POFUT3: variants seen among roughly 807,000 people sequenced by gnomAD.
The protein encoded by POFUT3 is protein O-fucosyltransferase 3.
chr8:33,449,999 G>A, the POFUT3 span, among the ~76,000 whole-genome samples: 5 of 143,444 alleles, frequency 3.5e-5, no homozygotes, highest in Non-Finnish European at 7.5e-5. Flanking sequence ...GTGCAGTGGT[G>A]CAATCTCGGC....
chr8:33,444,645 C>T, the POFUT3 span, among the ~76,000 whole-genome samples: 1 of 152,100 alleles, frequency 6.6e-6, no homozygotes, highest in East Asian at 1.9e-4. Flanking sequence ...TGGGGAAACA[C>T]CGTCTTTACT....
the POFUT3 span, among the ~76,000 whole-genome samples, chr8:33,350,383 AACAGAGGGTGGTGTCCTTG>A: frequency 6.6e-5 from 10 of 152,120 alleles, no homozygotes; most frequent in Non-Finnish European, 1.3e-4. Flanking sequence ...TTCTCCCTGA[AACAGAGGGTGGTGTCCTTG>A]ACACCCTAAG....
At chr8:33,363,845 G>A in the POFUT3 span, among the ~76,000 whole-genome samples, 1 of 152,122 alleles carries the variant, frequency 6.6e-6, no homozygotes, top group Non-Finnish European at 1.5e-5. Context: ...AGAGGTACAA[G>A]GAGGAGCTAG....
chr8:33,367,959 C>T, the POFUT3 span, among the ~76,000 whole-genome samples: 61 of 152,142 alleles, frequency 4.0e-4, 2 homozygotes, highest in African/African-American at 1.2e-3. Context: ...GTTGAATCAT[C>T]TTCTCTGGTA....
the POFUT3 span, among the ~76,000 whole-genome samples, chr8:33,439,632 C>T: frequency 1.3e-5 from 2 of 151,872 alleles, no homozygotes; most frequent in East Asian, 1.9e-4. Context: ...CTTTGGGAGG[C>T]GGAGGTGGGT....
the POFUT3 span, among the ~76,000 whole-genome samples, chr8:33,464,179 ATAT>A: frequency 2.0e-5 from 3 of 152,220 alleles, no homozygotes; most frequent in Admixed American, 1.3e-4. Flanking sequence ...TTATATTTAA[ATAT>A]TATTGTAATT....
chr8:33,353,450 G>C, the POFUT3 span, among the ~76,000 whole-genome samples: 1 of 152,216 alleles, frequency 6.6e-6, no homozygotes, highest in Admixed American at 6.5e-5. Context: ...CCAGCACTGA[G>C]ATCACTGCAG....
At chr8:33,459,532 C>T in the POFUT3 span, among the ~76,000 whole-genome samples, 1 of 151,488 alleles carries the variant, frequency 6.6e-6, no homozygotes, top group Non-Finnish European at 1.5e-5. Flanking sequence ...GTCTCAGCTA[C>T]TCAGGAGGCT....
the POFUT3 span, among the ~76,000 whole-genome samples, chr8:33,364,842 A>G: frequency 6.6e-6 from 1 of 152,198 alleles, no homozygotes; most frequent in Non-Finnish European, 1.5e-5. Context: ...ACCCAAAGTA[A>G]TTTATAGATT....
chr8:33,461,187 AAGGAAGGGAGGGAGGG>A, the POFUT3 span, among the ~76,000 whole-genome samples: 3 of 114,170 alleles, frequency 2.6e-5, no homozygotes, highest in African/African-American at 3.5e-5. Flanking sequence ...GGAAGGAAGG[AAGGAAGGGAGGGAGGG>A]AGGGAGGGAG....
At chr8:33,463,521 G>A in the POFUT3 span, among the ~76,000 whole-genome samples, 2 of 151,854 alleles carry the variant, frequency 1.3e-5, no homozygotes, top group Admixed American at 6.6e-5. Context: ...AAAAAAAGGT[G>A]GGCTCCCCTC....
At chr8:33,374,839 G>A in the POFUT3 span, among the ~76,000 whole-genome samples, 1 of 151,866 alleles carries the variant, frequency 6.6e-6, no homozygotes. Context: ...CTTAAATTTA[G>A]GGTAGAATGA....
the POFUT3 span, among the ~76,000 whole-genome samples, chr8:33,391,576 A>G: frequency 6.6e-6 from 1 of 152,204 alleles, no homozygotes; most frequent in Non-Finnish European, 1.5e-5. Context: ...TTGAAGTACA[A>G]CAGCTGCTGC....
At chr8:33,442,336 G>A in the POFUT3 span, among the ~76,000 whole-genome samples, 1 of 150,008 alleles carries the variant, frequency 6.7e-6, no homozygotes, top group Non-Finnish European at 1.5e-5. Context: ...CGCCCAGGCT[G>A]GAGTGCAGTG....
At chr8:33,322,933 A>G in the POFUT3 span, among the ~76,000 whole-genome samples, 7 of 151,866 alleles carry the variant, frequency 4.6e-5, no homozygotes, top group Admixed American at 1.3e-4. Flanking sequence ...GGTTTTCCCA[A>G]TAAGTGGAGC....
chr8:33,423,356 C>A, the POFUT3 span, among the ~76,000 whole-genome samples: 2 of 152,072 alleles, frequency 1.3e-5, no homozygotes, highest in Non-Finnish European at 2.9e-5. Context: ...GCAGCCTTGA[C>A]CTCCTGGGCT....
the POFUT3 span, among the ~76,000 whole-genome samples, chr8:33,437,933 C>T: frequency 6.6e-6 from 1 of 152,198 alleles, no homozygotes; most frequent in African/African-American, 2.4e-5. Context: ...CTGGTCCTCA[C>T]ATGCAACCAA....
At chr8:33,455,828 T>C in the POFUT3 span, 3 of 456,178 alleles carry the variant, frequency 6.6e-6, no homozygotes, top group African/African-American at 2.0e-5. Context: ...ATTGAAGCAT[T>C]GCATGGAGTC....
At chr8:33,436,715 G>A in the POFUT3 span, 7 of 722,800 alleles carry the variant, frequency 9.7e-6, no homozygotes, top group African/African-American at 8.9e-5. Context: ...ACCACAGCTA[G>A]CACAGAAATC....
Sources: allele counts gnomAD v4.1 joint callset (sites outside exome capture counted in the v4.1 genomes callset), GRCh38; gene constraint gnomAD v4.1.1; transcripts MANE v1.5; gene names NCBI Gene and HGNC (gene_info 2026-07-23, HGNC 2026-07-21).